The following EPHB1 variants were observed in gnomAD, a reference collection of about 807,000 sequenced individuals.
EPHB1 encodes ephrin type-B receptor 1.
EPHB1 carries 30 observed loss-of-function variants against 94.4 expected under a neutral mutation model. That is an observed-to-expected ratio of 0.32 (90% CI 0.24 to 0.43). EPHB1 has a LOEUF of 0.43. Among genes scored for constraint, EPHB1 ranks in the 20% least tolerant of loss-of-function variants. The pLI is 1.00. For synonymous variants in EPHB1, 522 were observed against 489.1 expected, an observed-to-expected ratio of 1.07 and a Z score of -0.89; for missense variants, 1,055 against 1,308.3, an observed-to-expected ratio of 0.81 and a Z score of 2.99.
chr3:134,940,482 T>G (rs573684314), intron 2 of EPHB1, among the ~76,000 whole-genome samples: 1 of 152,364 alleles, frequency 6.6e-6, no homozygotes, highest in South Asian at 2.1e-4. Flanking sequence ...TCCAGCTTCA[T>G]ATCTTTCAGT....
At chr3:135,212,173 G>A (rs1198197522) in intron 12 of EPHB1, among the ~76,000 whole-genome samples, 1 of 152,020 alleles carries the variant, frequency 6.6e-6, no homozygotes, top group East Asian at 1.9e-4. Context: ...CTTTTTTATA[G>A]TTTTCAGAAT....
intron 15 of EPHB1, among the ~76,000 whole-genome samples, chr3:135,258,755 G>A (rs767436110): frequency 1.2e-4 from 19 of 152,146 alleles, no homozygotes; most frequent in Non-Finnish European, 2.2e-4. Context: ...CTTAGAGCCC[G>A]TACATAAGGA....
At chr3:135,183,652 G>C (rs1303724171) in intron 10 of EPHB1, among the ~76,000 whole-genome samples, 1 of 152,196 alleles carries the variant, frequency 6.6e-6, no homozygotes, top group Non-Finnish European at 1.5e-5. Flanking sequence ...GGAGATGGGA[G>C]AGAAGGCTTG....
intron 3 of EPHB1, among the ~76,000 whole-genome samples, chr3:134,966,594 T>C (rs113704955): frequency 4.3e-4 from 65 of 152,374 alleles, no homozygotes; most frequent in African/African-American, 1.5e-3. Flanking sequence ...GAGTGAGCAA[T>C]TGGTGGCTTC....
chr3:135,050,348 AG>A lies in EPHB1; in HGVS notation c.806-56098del, dbSNP rs1243346826. Among the ~76,000 whole-genome samples, 8 of 152,366 alleles carry A rather than the reference AG, an allele frequency of 5.3e-5. No homozygotes were observed. In the East Asian group the frequency reaches 1.5e-3, roughly 29 times the overall value. Reference sequence around the variant, plus strand: ...CTTGATCCCCATGCCCCAAATGGTAAGGACATAATGTACAGCATAGTTCTTT... The same window carrying A: ...CTTGATCCCCATGCCCCAAATGGTAAGACATAATGTACAGCATAGTTCTTT... On this transcript the variant is annotated intron_variant, in intron 3 of 15. Coordinates refer to ENST00000398015, the MANE Select transcript of EPHB1 (RefSeq NM_004441.5).
chr3:134,802,048 A>G (rs556616762), intron 1 of EPHB1, among the ~76,000 whole-genome samples: 10 of 152,162 alleles, frequency 6.6e-5, no homozygotes, highest in Non-Finnish European at 1.3e-4. Flanking sequence ...CAGTTTTCTC[A>G]TTGTTAAATA....
intron 5 of EPHB1, among the ~76,000 whole-genome samples, chr3:135,140,872 G>A (rs1040669448): frequency 4.6e-5 from 7 of 152,192 alleles, no homozygotes; most frequent in African/African-American, 1.7e-4. Context: ...TCTGAATGCA[G>A]CAATTAACAA....
chr3:134,872,735 A>G (rs933403869), intron 1 of EPHB1, among the ~76,000 whole-genome samples: 5 of 152,216 alleles, frequency 3.3e-5, no homozygotes, highest in African/African-American at 1.2e-4. Context: ...TGAATACCTT[A>G]GTACTTCCCC....
intron 3 of EPHB1, among the ~76,000 whole-genome samples, chr3:134,960,899 A>G (rs986838003): frequency 1.9e-4 from 28 of 146,098 alleles, no homozygotes; most frequent in African/African-American, 7.3e-4. Context: ...GGAGTAGACT[A>G]CTCAGCTTCA....
At chr3:134,958,050 C>A (rs542982830) in intron 3 of EPHB1, among the ~76,000 whole-genome samples, 1 of 152,176 alleles carries the variant, frequency 6.6e-6, no homozygotes, top group Non-Finnish European at 1.5e-5. Context: ...GCTGTCCTCT[C>A]CTTCCTGGCT....
At chr3:134,950,961 G>A (rs2107714916) in intron 2 of EPHB1, among the ~76,000 whole-genome samples, 1 of 152,242 alleles carries the variant, frequency 6.6e-6, no homozygotes. Context: ...GATTTCCAAG[G>A]TGTGGATGTC....
At chr3:135,208,295 G>A (rs949167180) in intron 12 of EPHB1, among the ~76,000 whole-genome samples, 1 of 51,850 alleles carries the variant, frequency 1.9e-5, no homozygotes, top group African/African-American at 8.7e-5. Context: ...CATGACGTGT[G>A]TGTGTGTGTG....
At chr3:135,217,464 ACACG>A (rs1444602721) in intron 12 of EPHB1, among the ~76,000 whole-genome samples, 8,438 of 142,350 alleles carry the variant, frequency 0.059, 334 homozygotes, top group African/African-American at 0.11. Flanking sequence ...ACACACACAC[ACACG>A]CACACGGGGA....
intron 12 of EPHB1, among the ~76,000 whole-genome samples, chr3:135,227,993 G>A (rs1943440842): frequency 6.6e-6 from 1 of 152,080 alleles, no homozygotes; most frequent in South Asian, 2.1e-4. Flanking sequence ...CCTAAGAATA[G>A]GGAGGGATAT....
chr3:134,827,412 T>G (rs545008730), intron 1 of EPHB1, among the ~76,000 whole-genome samples: 1 of 152,200 alleles, frequency 6.6e-6, no homozygotes, highest in East Asian at 1.9e-4. Flanking sequence ...CCTTATGGGC[T>G]TCTGTGATTG....
intron 1 of EPHB1, among the ~76,000 whole-genome samples, chr3:134,842,323 T>C (rs1196139359): frequency 1.3e-5 from 2 of 152,184 alleles, no homozygotes; most frequent in African/African-American, 2.4e-5. Context: ...TCTATAGTAT[T>C]TTGTTATAGC....
chr3:135,085,177 G>T (rs557412651), intron 3 of EPHB1, among the ~76,000 whole-genome samples: 217 of 152,278 alleles, frequency 1.4e-3, no homozygotes, highest in Non-Finnish European at 2.6e-3. Context: ...CTGGCCTAGG[G>T]CTCACCTGTG....
At chr3:134,870,258 C>T (rs1326430070) in intron 1 of EPHB1, among the ~76,000 whole-genome samples, 7 of 152,038 alleles carry the variant, frequency 4.6e-5, no homozygotes, top group South Asian at 2.1e-4. Context: ...CCAGGGTCTT[C>T]GGCCATCTAA....
At position 135,248,426 on chromosome 3, in the gene EPHB1, C is replaced by G. The variant is rs777957722; in HGVS notation, c.2607C>G (p.Pro869=). The change falls in exon 14 of 16, where the codon CCC becomes CCG. Residue 869 remains proline (P), a synonymous_variant. Transcript: ENST00000398015. ...GGCAGAAGGACCGGAACAGCCGGCCCCGGTTTGCGGAGATTGTCAACACCC... is the reference window on the plus strand; with the variant it reads ...GGCAGAAGGACCGGAACAGCCGGCCGCGGTTTGCGGAGATTGTCAACACCC... ...DCWQKDRNSR[P]RFAEIVNTLD... 2 of 1,613,950 alleles carry G rather than the reference C, an allele frequency of 1.2e-6. No homozygotes were observed. Among genetic ancestry groups the G allele is most frequent in the Non-Finnish European group, 1.7e-6 (2 of 1,179,876 alleles).
Sources: gnomAD v4.1 joint callset for allele counts (sites outside exome capture counted in the v4.1 genomes callset) on GRCh38, gnomAD v4.1.1 for gene constraint, MANE v1.5 for transcripts, NCBI Gene and HGNC (gene_info 2026-07-23, HGNC 2026-07-21) for gene names.